The following RAB11FIP2 variants were observed in gnomAD, a reference collection of about 807,000 sequenced individuals.
RAB11FIP2 encodes the protein rab11 family-interacting protein 2.
In RAB11FIP2, 16 loss-of-function variants were observed where a neutral mutation model predicts 40.9. That is an observed-to-expected ratio of 0.39 (90% confidence interval 0.26 to 0.59). The LOEUF (loss-of-function observed/expected upper bound fraction) is 0.59, where lower values mean the gene tolerates loss of function less well. RAB11FIP2 is among the 20% of genes least tolerant of loss of function. The pLI is 0.53. For missense variants in RAB11FIP2, 532 were observed against 606.2 expected (o/e 0.88, Z 1.28); for synonymous variants, 228 against 213.7 (o/e 1.07, Z -0.58).
Position 118,039,460 on chromosome 10 carries a change from T to C in RAB11FIP2, c.797-20A>G, listed in dbSNP as rs1373452124. On this transcript the variant is annotated intron_variant, in intron 2 of 4. Coordinates refer to ENST00000355624, the MANE Select transcript of RAB11FIP2 (RefSeq NM_014904.3). ...GACTTCCTACAAACAATTTTGTAGT[T>C]AGTACATAATCAGTGACACATTACA... 6.4e-7 allele frequency: 1 copy of C among 1,574,246 alleles called. No individual in the cohort carries two copies. The highest frequency in any genetic ancestry group is 1.7e-5 in the Admixed American group (1 of 59,392).
chr10:118,041,033 A>G (rs1367656960), intron 1 of RAB11FIP2, among the ~76,000 whole-genome samples: 1 of 152,120 alleles, frequency 6.6e-6, no homozygotes, highest in African/African-American at 2.4e-5. Flanking sequence ...ACAATAATAA[A>G]TACCTGGCCC....
chr10:118,020,549 G>A (rs1170020887), intron 3 of RAB11FIP2, among the ~76,000 whole-genome samples: 1 of 152,052 alleles, frequency 6.6e-6, no homozygotes, highest in Admixed American at 6.5e-5. Flanking sequence ...CAAGAGGATG[G>A]AGCACTGAAA....
At chr10:118,026,137 G>A (rs887664950) in intron 3 of RAB11FIP2, among the ~76,000 whole-genome samples, 1 of 152,118 alleles carries the variant, frequency 6.6e-6, no homozygotes, top group African/African-American at 2.4e-5. Context: ...ATCTTAGAAT[G>A]TCACCCTAAT....
At chr10:118,020,993 A>C (rs1846278118) in intron 3 of RAB11FIP2, among the ~76,000 whole-genome samples, 2 of 152,036 alleles carry the variant, frequency 1.3e-5, no homozygotes, top group Non-Finnish European at 2.9e-5. Flanking sequence ...TACTTATTTT[A>C]ACTTTTTTTT....
At chr10:118,010,351 T>C (rs575903350) in intron 4 of RAB11FIP2, among the ~76,000 whole-genome samples, 5 of 152,162 alleles carry the variant, frequency 3.3e-5, no homozygotes, top group Admixed American at 1.3e-4. Context: ...GGAAATTGGT[T>C]TTCTTGCTGT....
At position 118,039,357 on chromosome 10, in the gene RAB11FIP2, C is replaced by T. The variant is rs368746348; in HGVS notation, c.880G>A (p.Glu294Lys). 3 of 1,613,428 alleles carry T rather than the reference C, an allele frequency of 1.9e-6. No homozygotes were observed. Among genetic ancestry groups the T allele is most frequent in the Non-Finnish European group, 2.5e-6 (3 of 1,179,650 alleles). ...NQPDSIVDEG[E>K]LCFGRQNDPF... ...TCATTTTGTCTTCCGAAACACAATT[C>T]ACCTTCATCCACAATGCTGTCAGGT... is the stretch of plus-strand genomic sequence containing the variant. The change falls in exon 3 of 5, where the codon GAA becomes AAA. Residue 294 changes from glutamate to lysine, a missense_variant. By Grantham distance (56) the Glu-to-Lys change is moderately conservative. Coordinates refer to ENST00000355624, the MANE Select transcript of RAB11FIP2 (RefSeq NM_014904.3).
At chr10:118,018,469 G>A (rs1846247643) in intron 3 of RAB11FIP2, among the ~76,000 whole-genome samples, 1 of 152,282 alleles carries the variant, frequency 6.6e-6, no homozygotes, top group East Asian at 1.9e-4. Flanking sequence ...ATTTAAAAAG[G>A]AGTCTATGTA....
chr10:118,030,940 T>C (rs1325224277), intron 3 of RAB11FIP2, among the ~76,000 whole-genome samples: 2 of 152,132 alleles, frequency 1.3e-5, no homozygotes, highest in East Asian at 1.9e-4. Context: ...TTCTAGTTAG[T>C]GTTAAGGGAA....
At chr10:118,028,407 T>G (rs61458540) in intron 3 of RAB11FIP2, among the ~76,000 whole-genome samples, 1 of 151,962 alleles carries the variant, frequency 6.6e-6, no homozygotes, top group Non-Finnish European at 1.5e-5. Flanking sequence ...TTCAAAGAGA[T>G]AAATGTCAAA....
chr10:118,038,900 TAAAAGAAATA>T (rs1422700345), intron 3 of RAB11FIP2, 62 bp downstream of exon 3: 2 of 985,686 alleles, frequency 2.0e-6, no homozygotes, highest in African/African-American at 3.3e-5. Flanking sequence ...TTCTAGCATT[TAAAAGAAATA>T]TTTGATACCT....
At chr10:118,024,185 T>G (rs1015715960) in intron 3 of RAB11FIP2, among the ~76,000 whole-genome samples, 2 of 151,820 alleles carry the variant, frequency 1.3e-5, no homozygotes, top group Non-Finnish European at 2.9e-5. Context: ...ATTCCAAAAG[T>G]TCTCCATTCC....
chr10:118,017,900 G>T (rs1230420672), intron 3 of RAB11FIP2: 2 of 152,172 alleles, frequency 1.3e-5, no homozygotes, highest in Non-Finnish European at 2.9e-5. Context: ...ACCATATGTA[G>T]TAGCCAATCA....
At chr10:118,024,449 G>A (rs1846319007) in intron 3 of RAB11FIP2, among the ~76,000 whole-genome samples, 2 of 148,722 alleles carry the variant, frequency 1.3e-5, no homozygotes, top group Admixed American at 1.3e-4. Context: ...CACCTTCTAC[G>A]TATCCATTAG....
At position 118,040,138 on chromosome 10, in the gene RAB11FIP2, T is replaced by C; in HGVS notation, c.781A>G (p.Thr261Ala). 6.2e-7 allele frequency: 1 copy of C among 1,613,482 alleles called. No individual in the cohort carries two copies. Among genetic ancestry groups the C allele is most frequent in the Non-Finnish European group, 8.5e-7 (1 of 1,179,542 alleles). The change falls in exon 2 of 5, where the codon ACA (threonine) becomes GCA (alanine). Residue 261 changes from threonine (T) to alanine (A), a missense_variant. Transcript: ENST00000355624. Reference protein sequence around the residue: ...LLGHQLDSFGTVPESGSLKSP... With the variant: ...LLGHQLDSFGAVPESGSLKSP... ...TGACACTTACCACTTTCTGGAACTG[T>C]TCCAAAGGAATCTAACTGGTGTCCG...
intron 3 of RAB11FIP2, 23 bp from the exon 4 acceptor site, chr10:118,015,133 TAA>T: frequency 6.3e-7 from 1 of 1,586,508 alleles, no homozygotes; most frequent in Non-Finnish European, 8.6e-7. Context: ...AAACAAATGT[TAA>T]AAGTGTCATA....
At chr10:118,011,500 A>C (rs1846155425) in intron 4 of RAB11FIP2, among the ~76,000 whole-genome samples, 1 of 152,122 alleles carries the variant, frequency 6.6e-6, no homozygotes, top group Admixed American at 6.6e-5. Flanking sequence ...GATTATGTTA[A>C]GCCGTTTTCT....
intron 1 of RAB11FIP2, among the ~76,000 whole-genome samples, chr10:118,041,064 G>A (rs376463732): frequency 4.6e-5 from 7 of 151,850 alleles, no homozygotes; most frequent in Non-Finnish European, 8.8e-5. Context: ...TATTACTTAC[G>A]TAAAAGTAGC....
rs935980776 is a variant in RAB11FIP2, at chr10:118,005,707, A to G, written c.*3291T>C. 15 of 152,192 alleles carry G rather than the reference A, an allele frequency of 9.9e-5. No individual in the cohort carries two copies. Among genetic ancestry groups the G allele is most frequent in the African/African-American group, 3.6e-4 (15 of 41,436 alleles). 9.4% of individuals were successfully genotyped at this position (152,192 alleles called of 1,614,324 possible). A position where few individuals can be genotyped will look rare whatever the true frequency, so the allele number is the denominator to read the frequency against. ...TCTGAAAAGCTACAGAGGAAAATAA[A>G]AGCTCTAGTGTAACATTTACTGTAG... is the stretch of plus-strand genomic sequence containing the variant. On this transcript the variant is annotated 3_prime_UTR_variant, in exon 5 of 5. Coordinates refer to ENST00000355624, the MANE Select transcript of RAB11FIP2 (RefSeq NM_014904.3).
chr10:118,037,690 C>A (rs1238464425), intron 3 of RAB11FIP2, among the ~76,000 whole-genome samples: 1 of 151,942 alleles, frequency 6.6e-6, no homozygotes, highest in Admixed American at 6.6e-5. Context: ...CACTTCTAAG[C>A]CAGTATTCCC....
Sources: gnomAD v4.1 joint callset for allele counts (sites outside exome capture counted in the v4.1 genomes callset) on GRCh38, gnomAD v4.1.1 for gene constraint, MANE v1.5 for transcripts, NCBI Gene and HGNC (gene_info 2026-07-23, HGNC 2026-07-21) for gene names.